Variants in AR observed in about 807,000 individuals in gnomAD.
AR encodes the protein dihydrotestosterone receptor.
AR carries 8 observed loss-of-function variants against 53.9 expected under a neutral mutation model. That is an observed-to-expected ratio of 0.15 (90% CI 0.09 to 0.27). AR has a LOEUF of 0.27. Ranked by LOEUF, AR falls within the 10% of genes least tolerant of loss-of-function variation. The pLI, the probability that AR is intolerant of heterozygous loss-of-function variation, is 1.00. For missense variants in AR, 639 were observed against 742.5 expected (o/e 0.86, Z 1.62); for synonymous variants, 359 against 316.4 (o/e 1.13, Z -1.43).
chrX:67,702,737 G>A (rs765455798), intron 3 of AR, among the ~76,000 whole-genome samples: 1 of 112,285 alleles, frequency 8.9e-6, no homozygotes, highest in South Asian at 3.7e-4. Flanking sequence ...TTTATTGGGT[G>A]ACACCATGAC....
At chrX:67,550,737 C>T (rs1402098340) in intron 1 of AR, among the ~76,000 whole-genome samples, 1 of 109,687 alleles carries the variant, frequency 9.1e-6, no homozygotes, top group African/African-American at 3.3e-5. Flanking sequence ...CCCTACCCCC[C>T]ACCTCCACCA....
chrX:67,582,841 G>A lies in AR; in HGVS notation c.1616+36079G>A, dbSNP rs1356627936. On this transcript the variant is annotated intron_variant, in intron 1 of 7. Coordinates refer to ENST00000374690, the MANE Select transcript of AR (RefSeq NM_000044.6). ...ATCCATCGCAATACTTCCCCAAGGT[G>A]GCATTTAAGATGGGCCTAGAGGGTT... 3.6e-5 allele frequency among the ~76,000 whole-genome samples: 4 copies of A among 111,633 alleles called. No homozygotes were observed. The Admixed American group carries it at 3.8e-4, about 11-fold the overall frequency.
At chrX:67,601,631 A>G (rs1037759774) in intron 1 of AR, among the ~76,000 whole-genome samples, 1 of 112,239 alleles carries the variant, frequency 8.9e-6, no homozygotes, top group African/African-American at 3.2e-5. Flanking sequence ...TTCTTTGCAG[A>G]CCTGCAGAAA....
At chrX:67,652,805 G>T (rs1472536857) in intron 2 of AR, among the ~76,000 whole-genome samples, 8 of 111,957 alleles carry the variant, frequency 7.1e-5, no homozygotes, top group Non-Finnish European at 1.5e-4. Flanking sequence ...TCCCTAGTAA[G>T]TTAATGAGTA....
In AR at chrX:67,604,198, A is replaced by ATGTGTGTGTGTGTG. The variant is rs72092334; in HGVS notation, c.1617-39024_1617-39011dup. On this transcript the variant is annotated intron_variant, in intron 1 of 7. Transcript: ENST00000374690. ...AGAAGGTCAGAAGCTGGGGAGAAATATGTGTGTGTGTGTGTGTGTGTGTGT... is the reference window on the plus strand; with the variant it reads ...AGAAGGTCAGAAGCTGGGGAGAAATATGTGTGTGTGTGTGTGTGTGTGTGTGTGTGTGTGTGTGT... Among the ~76,000 whole-genome samples the ATGTGTGTGTGTGTG allele has an allele frequency of 5.4e-3, 419 of 78,126 alleles. 7 individuals carry two copies. The highest frequency in any genetic ancestry group is 0.019 in the African/African-American group (385 of 20,478). 67.8% of individuals were successfully genotyped at this position (78,126 alleles called of 115,157 possible).
chrX:67,572,597 A>G (rs148636573), intron 1 of AR, among the ~76,000 whole-genome samples: 2 of 111,814 alleles, frequency 1.8e-5, no homozygotes, highest in Non-Finnish European at 3.8e-5. Context: ...AAATTCCAGT[A>G]TACAAAAGGA....
chrX:67,564,141 C>A (rs1483881188), intron 1 of AR, among the ~76,000 whole-genome samples: 2 of 111,434 alleles, frequency 1.8e-5, no homozygotes, highest in Admixed American at 1.9e-4. Flanking sequence ...CTCAACACCC[C>A]AAACAGATTA....
chrX:67,664,119 T>C (rs1927116151), intron 2 of AR, among the ~76,000 whole-genome samples: 1 of 112,328 alleles, frequency 8.9e-6, no homozygotes, highest in Admixed American at 9.4e-5. Flanking sequence ...TTCTCTCAAC[T>C]CGTCAAAGTC....
chrX:67,576,697 G>A (rs779934604), intron 1 of AR, among the ~76,000 whole-genome samples: 58 of 110,746 alleles, frequency 5.2e-4, no homozygotes, highest in South Asian at 7.7e-4. Context: ...CCAGACTTTG[G>A]TGTTTGGAGC....
Position 67,544,375 on chromosome X carries a change from C to G in AR, c.-772C>G. On this transcript the variant is annotated 5_prime_UTR_variant, in exon 1 of 8. Coordinates refer to ENST00000374690, the MANE Select transcript of AR (RefSeq NM_000044.6). Reference sequence around the variant, plus strand: ...CCTCCCCCCACCCTGCCTTCCCCCCCTCCCCCGTCTTCTCTCCCGCAGCTG... The same window carrying G: ...CCTCCCCCCACCCTGCCTTCCCCCCGTCCCCCGTCTTCTCTCCCGCAGCTG... 2 of 110,002 alleles carry G rather than the reference C, an allele frequency of 1.8e-5. No homozygotes were observed. Among genetic ancestry groups the G allele is most frequent in the South Asian group, 7.3e-4 (1 of 1,375 alleles). The allele number at this position is 110,002 out of a possible 1,213,427, so 9.1% of individuals were successfully genotyped here.
At chrX:67,637,219 C>G (rs1332890741) in intron 1 of AR, among the ~76,000 whole-genome samples, 4 of 108,077 alleles carry the variant, frequency 3.7e-5, no homozygotes, top group Non-Finnish European at 7.7e-5. Flanking sequence ...GGTACATGTG[C>G]ACAACGTGCA....
chrX:67,676,635 A>C (rs1022995310), intron 2 of AR, among the ~76,000 whole-genome samples: 3 of 111,459 alleles, frequency 2.7e-5, no homozygotes, highest in Non-Finnish European at 5.7e-5. Flanking sequence ...CTCCAGGAGC[A>C]AGCCCTTGTT....
intron 2 of AR, among the ~76,000 whole-genome samples, chrX:67,666,768 G>A (rs192524312): frequency 8.9e-6 from 1 of 111,814 alleles, no homozygotes; most frequent in East Asian, 2.8e-4. Flanking sequence ...GTGGTGAAAT[G>A]AGATCTCATT....
intron 2 of AR, among the ~76,000 whole-genome samples, chrX:67,655,444 T>G (rs1926541688): frequency 9.0e-6 from 1 of 111,473 alleles, no homozygotes; most frequent in African/African-American, 3.3e-5. Context: ...CTTTGTCTCT[T>G]TTGCAACTTG....
At chrX:67,688,221 G>T (rs150584701) in intron 3 of AR, among the ~76,000 whole-genome samples, 3 of 111,408 alleles carry the variant, frequency 2.7e-5, no homozygotes, top group African/African-American at 9.8e-5. Flanking sequence ...ACTTCAGGAA[G>T]TGTTCACAAG....
intron 1 of AR, among the ~76,000 whole-genome samples, chrX:67,554,263 C>T (rs1443064016): frequency 1.8e-5 from 2 of 111,953 alleles, no homozygotes; most frequent in Admixed American, 9.5e-5. Flanking sequence ...AATGAAATCA[C>T]TAGCTATATT....
intron 1 of AR, 29 bp from the exon 2 acceptor site, chrX:67,643,227 T>A (rs2147435593): frequency 8.3e-7 from 1 of 1,210,366 alleles, no homozygotes; most frequent in Non-Finnish European, 1.1e-6. Flanking sequence ...CAGTGACATG[T>A]GTTGCATTGG....
At chrX:67,721,587 CCA>C (rs2076135869) in intron 5 of AR, among the ~76,000 whole-genome samples, 2 of 111,090 alleles carry the variant, frequency 1.8e-5, no homozygotes, top group South Asian at 7.8e-4. Flanking sequence ...ATGTGCTAAC[CCA>C]TATCCTGGCC....
intron 2 of AR, among the ~76,000 whole-genome samples, chrX:67,675,118 C>T (rs992183266): frequency 7.3e-5 from 8 of 109,859 alleles, no homozygotes; most frequent in Non-Finnish European, 1.3e-4. Context: ...ATGGTGACCT[C>T]AGGACTCTGC....
Sources: allele counts gnomAD v4.1 joint callset (sites outside exome capture counted in the v4.1 genomes callset), GRCh38; gene constraint gnomAD v4.1.1; transcripts MANE v1.5; gene names NCBI Gene and HGNC (gene_info 2026-07-23, HGNC 2026-07-21).